The following KSR2 variants were observed in gnomAD, a reference collection of about 807,000 sequenced individuals.
KSR2 encodes kinase suppressor of ras 2.
KSR2 carries 25 observed loss-of-function variants against 107.8 expected under a neutral mutation model. The observed-to-expected ratio is 0.23, with a 90% CI of 0.17 to 0.32. KSR2 has a LOEUF of 0.32. Ranked by LOEUF, KSR2 falls within the 10% of genes least tolerant of loss-of-function variation. KSR2 has a pLI of 1.00. For synonymous variants in KSR2, 480 were observed against 507.0 expected (o/e 0.95, Z 0.71); for missense variants, 887 against 1,268.9 (o/e 0.70, Z 4.57).
chr12:117,748,833 T>C (rs1888508127), intron 4 of KSR2, among the ~76,000 whole-genome samples: 1 of 151,920 alleles, frequency 6.6e-6, no homozygotes, highest in African/African-American at 2.4e-5. Flanking sequence ...CCTTGTAGTA[T>C]ATTTGAGAGG....
chr12:117,477,153 C>T (rs1413655671), intron 16 of KSR2, among the ~76,000 whole-genome samples: 1 of 152,186 alleles, frequency 6.6e-6, no homozygotes, highest in Non-Finnish European at 1.5e-5. Context: ...GCTTCTTATG[C>T]TACTCTGCAC....
intron 3 of KSR2, among the ~76,000 whole-genome samples, chr12:117,845,831 C>A (rs181557125): frequency 6.6e-6 from 1 of 151,822 alleles, no homozygotes; most frequent in African/African-American, 2.4e-5. Flanking sequence ...CAGGCACACA[C>A]CACACCTAGC....
At chr12:117,810,667 C>A (rs992311896) in intron 3 of KSR2, among the ~76,000 whole-genome samples, 4 of 152,148 alleles carry the variant, frequency 2.6e-5, no homozygotes, top group African/African-American at 9.7e-5. Flanking sequence ...CATTTCTTAG[C>A]CCTCATCCTA....
In KSR2 at chr12:117,761,295, G is replaced by T. The variant is rs1263566580; in HGVS notation, c.702C>A (p.Gly234=). 1 of 1,519,936 alleles carries T rather than the reference G, an allele frequency of 6.6e-7. No individual in the cohort carries two copies. The highest frequency in any genetic ancestry group is 1.4e-5 in the African/African-American group (1 of 71,890). 94.2% of individuals were successfully genotyped at this position (1,519,936 alleles called of 1,614,324 possible). Residue 234 remains glycine, a synonymous_variant, in exon 4 of 20, where the codon GGC becomes GGA. Coordinates refer to ENST00000339824, the MANE Select transcript of KSR2 (RefSeq NM_173598.6). ...VDRLTVDAYP[G]LCPPPPLESG... ...ACTCCAGTGGCGGGGGCGGGCACAA[G>T]CCCGGGTAGGCGTCCACGGTAAGCC... is the stretch of plus-strand genomic sequence containing the variant.
rs114038677 is a variant in KSR2 at position 117,677,909 on chromosome 12, G to A, written c.987-10251C>T. On this transcript the variant is annotated intron_variant, in intron 4 of 19. Transcript: ENST00000339824. ...TTGCAGGTGGTTCCATCTCACAGAT[G>A]AAGAAACCGAGTCCAGAAAGTTCTG... Among the ~76,000 whole-genome samples, 678 of 152,120 alleles carry A rather than the reference G, an allele frequency of 4.5e-3. 6 individuals are homozygous for A. Among genetic ancestry groups the A allele is most frequent in the African/African-American group, 0.014 (592 of 41,484 alleles).
chr12:117,502,973 A>G (rs1873467603), intron 14 of KSR2, among the ~76,000 whole-genome samples: 1 of 152,170 alleles, frequency 6.6e-6, no homozygotes, highest in Non-Finnish European at 1.5e-5. Context: ...ATTGGGGCGG[A>G]CACTGAGAGG....
At chr12:117,785,977 A>T in intron 3 of KSR2, among the ~76,000 whole-genome samples, 1 of 152,238 alleles carries the variant, frequency 6.6e-6, no homozygotes, top group Non-Finnish European at 1.5e-5. Context: ...AGCTCAGCAA[A>T]CCCCACATAG....
At chr12:117,750,029 C>T (rs535934793) in intron 4 of KSR2, among the ~76,000 whole-genome samples, 1 of 152,148 alleles carries the variant, frequency 6.6e-6, no homozygotes, top group African/African-American at 2.4e-5. Flanking sequence ...AGGTGGACCA[C>T]CCGAGGTCAG....
At chr12:117,607,456 G>A (rs1464586462) in intron 5 of KSR2, among the ~76,000 whole-genome samples, 1 of 152,238 alleles carries the variant, frequency 6.6e-6, no homozygotes, top group African/African-American at 2.4e-5. Flanking sequence ...GGCAGCCTCC[G>A]AACTGCCGAG....
intron 1 of KSR2, among the ~76,000 whole-genome samples, chr12:117,871,927 A>G (rs10774962): frequency 0.72 from 108,808 of 152,038 alleles, 39,393 homozygotes; most frequent in African/African-American, 0.81. Flanking sequence ...GAATAGCTGC[A>G]ATTACAGGCA....
At chr12:117,713,351 T>C (rs1470035388) in intron 4 of KSR2, among the ~76,000 whole-genome samples, 1 of 150,380 alleles carries the variant, frequency 6.6e-6, no homozygotes, top group Non-Finnish European at 1.5e-5. Context: ...AAGTAGACAG[T>C]AGATAGATAG....
intron 10 of KSR2, among the ~76,000 whole-genome samples, chr12:117,534,618 T>C (rs565335665): frequency 1.5e-3 from 221 of 152,246 alleles, no homozygotes; most frequent in Non-Finnish European, 2.4e-3. Flanking sequence ...GGCAGAATAA[T>C]GCCTGCCCCT....
intron 14 of KSR2, among the ~76,000 whole-genome samples, chr12:117,509,862 G>A (rs11068522): frequency 0.19 from 28,949 of 152,104 alleles, 2,930 homozygotes; most frequent in East Asian, 0.44. Context: ...TTTTGAAGAG[G>A]ACTCGAAGTC....
At chr12:117,680,290 T>C (rs1249517696) in intron 4 of KSR2, among the ~76,000 whole-genome samples, 1 of 152,224 alleles carries the variant, frequency 6.6e-6, no homozygotes, top group Admixed American at 6.5e-5. Flanking sequence ...ATCTATGCTG[T>C]TCTTTACGGG....
At chr12:117,647,828 CT>C (rs1186088731) in intron 5 of KSR2, among the ~76,000 whole-genome samples, 1 of 152,124 alleles carries the variant, frequency 6.6e-6, no homozygotes, top group Non-Finnish European at 1.5e-5. Flanking sequence ...CCTCAGCCTC[CT>C]GAGTAGCGGG....
intron 3 of KSR2, among the ~76,000 whole-genome samples, chr12:117,786,379 A>G (rs1359130875): frequency 6.6e-6 from 1 of 152,100 alleles, no homozygotes. Flanking sequence ...GATTTGATGT[A>G]TAGGTAAACT....
intron 5 of KSR2, among the ~76,000 whole-genome samples, chr12:117,658,360 G>A (rs553364308): frequency 1.8e-4 from 27 of 152,336 alleles, no homozygotes; most frequent in Admixed American, 7.2e-4. Context: ...TTGGACAAGG[G>A]TGGTGATGAT....
At chr12:117,938,204 G>A (rs1895903496) in intron 1 of KSR2, among the ~76,000 whole-genome samples, 1 of 152,122 alleles carries the variant, frequency 6.6e-6, no homozygotes, top group Non-Finnish European at 1.5e-5. Context: ...CTGTGTCCCA[G>A]TACCCAGCAC....
intron 9 of KSR2, among the ~76,000 whole-genome samples, chr12:117,544,184 C>T (rs1289240809): frequency 6.6e-6 from 1 of 152,206 alleles, no homozygotes. Context: ...TTTCCTTTCA[C>T]CAGCATTTTG....
Sources: allele counts gnomAD v4.1 joint callset (sites outside exome capture counted in the v4.1 genomes callset), GRCh38; gene constraint gnomAD v4.1.1; transcripts MANE v1.5; gene names NCBI Gene and HGNC (gene_info 2026-07-23, HGNC 2026-07-21).